RANBP2: variants seen among roughly 807,000 people sequenced by gnomAD.
RANBP2 encodes the protein RAN binding protein 2, also known as E3 SUMO-protein ligase RanBP2.
In RANBP2, 57 loss-of-function variants were observed where a neutral mutation model predicts 303.6. The ratio of observed to expected loss-of-function variants is 0.19; its 90% CI spans 0.15 to 0.23. RANBP2 has a LOEUF of 0.23. RANBP2 is among the 10% of genes least tolerant of loss of function. The pLI is 1.00. For synonymous variants in RANBP2, 1,167 were observed against 1,301.5 expected (o/e 0.90, Z 2.23); for missense variants, 3,138 against 3,780.8 (o/e 0.83, Z 4.46).
the RANBP2 span, among the ~76,000 whole-genome samples, chr2:109,230,646 G>T: frequency 1.3e-5 from 2 of 152,178 alleles, no homozygotes; most frequent in Non-Finnish European, 2.9e-5. Flanking sequence ...TTATGGTGGG[G>T]TTATGTCCTG....
At chr2:108,979,020 C>T in the RANBP2 span, among the ~76,000 whole-genome samples, 7 of 152,288 alleles carry the variant, frequency 4.6e-5, no homozygotes, top group East Asian at 9.6e-4. Context: ...ATTCCATTTC[C>T]AATTAGGCAT....
At chr2:109,285,456 G>A in the RANBP2 span, among the ~76,000 whole-genome samples, 1 of 152,206 alleles carries the variant, frequency 6.6e-6, no homozygotes, top group African/African-American at 2.4e-5. Flanking sequence ...GCTGTGCCGT[G>A]CGTTTTTGTT....
At chr2:108,898,788 A>G in the RANBP2 span, among the ~76,000 whole-genome samples, 1 of 152,264 alleles carries the variant, frequency 6.6e-6, no homozygotes, top group Non-Finnish European at 1.5e-5. Flanking sequence ...TACAATAACC[A>G]CAATAAAAAG....
At chr2:108,827,365 A>G in the RANBP2 span, among the ~76,000 whole-genome samples, 2 of 152,208 alleles carry the variant, frequency 1.3e-5, no homozygotes, top group African/African-American at 4.8e-5. Context: ...AGTAAAATAA[A>G]TAAAAGAGAA....
the RANBP2 span, among the ~76,000 whole-genome samples, chr2:109,675,462 G>A: frequency 6.6e-6 from 1 of 152,112 alleles, no homozygotes; most frequent in Admixed American, 6.6e-5. Context: ...CAAGTGGATG[G>A]TCTGAGGTCA....
the RANBP2 span, among the ~76,000 whole-genome samples, chr2:109,560,376 A>G: frequency 6.6e-6 from 1 of 152,126 alleles, no homozygotes; most frequent in Admixed American, 6.5e-5. Flanking sequence ...TCAAGTTCCA[A>G]GACGTGACAC....
chr2:108,989,913 C>A, the RANBP2 span, among the ~76,000 whole-genome samples: 1 of 152,202 alleles, frequency 6.6e-6, no homozygotes, highest in African/African-American at 2.4e-5. Flanking sequence ...GCAGCTCCTC[C>A]AGGCTAGATT....
chr2:108,831,723 T>TCCTTCCTTCCTG, the RANBP2 span, among the ~76,000 whole-genome samples: 1 of 151,672 alleles, frequency 6.6e-6, no homozygotes, highest in Admixed American at 6.6e-5. Flanking sequence ...CTTCCTTCCT[T>TCCTTCCTTCCTG]CCTTCCTTCC....
the RANBP2 span, among the ~76,000 whole-genome samples, chr2:108,983,743 T>C: frequency 2.0e-5 from 3 of 152,302 alleles, no homozygotes; most frequent in East Asian, 5.8e-4. Flanking sequence ...GAAGCCACCT[T>C]CTCTCCAACT....
At chr2:109,060,035 A>G in the RANBP2 span, among the ~76,000 whole-genome samples, 1 of 152,110 alleles carries the variant, frequency 6.6e-6, no homozygotes, top group Non-Finnish European at 1.5e-5. Context: ...CAAGAACCTG[A>G]CTTCCAACCT....
At chr2:109,063,344 G>T in the RANBP2 span, among the ~76,000 whole-genome samples, 4 of 152,170 alleles carry the variant, frequency 2.6e-5, no homozygotes, top group Non-Finnish European at 4.4e-5. Flanking sequence ...CCCTGTGCCT[G>T]GGTTTTCTTT....
At chr2:108,812,785 A>G in the RANBP2 span, 7 of 1,611,734 alleles carry the variant, frequency 4.3e-6, no homozygotes, top group Non-Finnish European at 5.1e-6. Flanking sequence ...TTTAGATACA[A>G]TTGTTCTTTA....
chr2:109,750,415 AC>A, the RANBP2 span, among the ~76,000 whole-genome samples: 11 of 2,976 alleles, frequency 3.7e-3, no homozygotes, highest in African/African-American at 0.01. Flanking sequence ...GGTCAAGGAT[AC>A]TTTTGCTGAG....
chr2:109,164,121 A>C, the RANBP2 span, among the ~76,000 whole-genome samples: 1 of 151,976 alleles, frequency 6.6e-6, no homozygotes, highest in African/African-American at 2.4e-5. Flanking sequence ...GTGTCTGTTA[A>C]ATCCTTAAGG....
the RANBP2 span, among the ~76,000 whole-genome samples, chr2:109,328,518 G>A: frequency 6.6e-6 from 1 of 152,108 alleles, no homozygotes; most frequent in Non-Finnish European, 1.5e-5. Context: ...ACACATGTTT[G>A]TTTTTCTAAG....
At chr2:109,761,440 C>T in the RANBP2 span, among the ~76,000 whole-genome samples, 1 of 149,844 alleles carries the variant, frequency 6.7e-6, no homozygotes, top group South Asian at 2.2e-4. Flanking sequence ...TCCTCCCCAC[C>T]CCACCCGGGC....
At chr2:109,606,199 A>G in the RANBP2 span, among the ~76,000 whole-genome samples, 147 of 152,250 alleles carry the variant, frequency 9.7e-4, 1 homozygote, top group African/African-American at 3.5e-3. Flanking sequence ...GGAGGATTAC[A>G]AAGTCAAGAG....
chr2:109,423,426 C>T, the RANBP2 span, among the ~76,000 whole-genome samples: 110 of 152,260 alleles, frequency 7.2e-4, 2 homozygotes, highest in Middle Eastern at 0.02. Context: ...GGCCACCAAA[C>T]CATCCTCAAT....
the RANBP2 span, chr2:108,929,345 C>A: frequency 1.9e-6 from 3 of 1,614,160 alleles, no homozygotes; most frequent in Non-Finnish European, 1.7e-6. Context: ...GGGGACGCAG[C>A]CGTAGTCCTC....
Sources: allele counts gnomAD v4.1 joint callset (sites outside exome capture counted in the v4.1 genomes callset), GRCh38; gene constraint gnomAD v4.1.1; transcripts MANE v1.5; gene names NCBI Gene and HGNC (gene_info 2026-07-23, HGNC 2026-07-21).